The following PHF19 variants were observed in gnomAD, a reference collection of about 807,000 sequenced individuals.
PHF19 encodes the protein polycomb like 3.
A neutral mutation model predicts 79.8 loss-of-function variants in PHF19; 21 were observed. That is an observed-to-expected ratio of 0.26 (90% CI 0.19 to 0.38). The LOEUF (loss-of-function observed/expected upper bound fraction) is 0.38, where lower values mean the gene tolerates loss of function less well. PHF19 is among the 10% of genes least tolerant of loss of function. PHF19 has a pLI of 1.00. For missense variants in PHF19, 445 were observed against 744.2 expected (o/e 0.60, Z 4.68); for synonymous variants, 273 against 296.3 (o/e 0.92, Z 0.81).
intron 1 of PHF19, among the ~76,000 whole-genome samples, chr9:120,885,282 T>C (rs1416075735): frequency 3.9e-5 from 6 of 151,974 alleles, no homozygotes; most frequent in African/African-American, 1.5e-4. Flanking sequence ...GAAACGGATA[T>C]CTAGAAAGCA....
rs560838939 is a variant in PHF19, at chr9:120,891,984, G to C, written c.42+2804C>G. On this transcript the variant is annotated intron_variant, in intron 1 of 14. Coordinates refer to the PHF19 transcript ENST00000616568. This position sits in a 1 kb window ranked among gnomAD's most constrained non-coding sequence, Gnocchi z 4.3. ...GTAGGAAAGTTCAAAGCAAAGAAAGGCCTCCAGGGGACCATGCGGGGACTG... is the reference window on the plus strand; with the variant it reads ...GTAGGAAAGTTCAAAGCAAAGAAAGCCCTCCAGGGGACCATGCGGGGACTG... 3.0e-4 allele frequency among the ~76,000 whole-genome samples: 46 copies of C among 152,294 alleles called. No individual in the cohort carries two copies. The highest frequency in any genetic ancestry group is 1.0e-3 in the African/African-American group (42 of 41,548).
At position 120,858,125 on chromosome 9, in the gene PHF19, G is replaced by A. The variant is rs1443931685; in HGVS notation, c.1562C>T (p.Thr521Ile). The A allele has an allele frequency of 1.2e-6, 2 of 1,613,962 alleles. No individual in the cohort carries two copies. The highest frequency in any genetic ancestry group is 1.3e-5 in the African/African-American group (1 of 74,936). Reference sequence around the variant, plus strand: ...GTCATCTTCACTGATGCTCTCAAATGTGTGGCTGTCAATGCCTTCGTCTGG... The same window carrying A: ...GTCATCTTCACTGATGCTCTCAAATATGTGGCTGTCAATGCCTTCGTCTGG... ...ERPDEGIDSH[T>I]FESISEDDSS... Residue 521 changes from threonine (T) to isoleucine (I), a missense_variant, in exon 15 of 15, where the codon ACA becomes ATA. Around this residue, in one of 5 missense-constraint regions of PHF19, gnomAD observed 125 missense variants for 180.5 expected, o/e 0.69. Transcript: ENST00000373896.
rs1010878621 is a variant in PHF19 at position 120,894,712 on chromosome 9, G to T, written c.42+76C>A. On this transcript the variant is annotated intron_variant, in intron 1 of 14. Transcript: ENST00000616568. ...TCAATGCGTTCCATATGGCGGCGGC[G>T]CGGGCCCACCCGGCCGCCCGCGGCT... 4.9e-5 allele frequency: 31 copies of T among 638,370 alleles called. No individual in the cohort carries two copies. In the African/African-American group the frequency reaches 5.6e-4, roughly 11 times the overall value. 39.5% of individuals were successfully genotyped at this position (638,370 alleles called of 1,614,324 possible). A position where few individuals can be genotyped will look rare whatever the true frequency, so the allele number is the denominator to read the frequency against.
In PHF19 at chr9:120,869,133, T is replaced by C; in HGVS notation, c.614+49A>G. 2 of 1,559,596 alleles carry C rather than the reference T, an allele frequency of 1.3e-6. No homozygotes were observed. Among genetic ancestry groups the C allele is most frequent in the South Asian group, 1.2e-5 (1 of 85,010 alleles). ...CCTATGGGCGGTCCCTGCTGGCGAT[T>C]CTTGGAGACCTGCCCTGCCGCCCGG... On this transcript the variant is annotated intron_variant, in intron 6 of 14. Coordinates refer to ENST00000373896, the MANE Select transcript of PHF19 (RefSeq NM_015651.3). The surrounding 1 kb of genome is among the most constrained non-coding windows in gnomAD (Gnocchi z 5.8).
chr9:120,882,716 C>T (rs1231137719), intron 1 of PHF19, among the ~76,000 whole-genome samples: 2 of 151,898 alleles, frequency 1.3e-5, no homozygotes, highest in Non-Finnish European at 2.9e-5. Flanking sequence ...GTGGCGGCCA[C>T]CTGTAATCCC....
At chr9:120,895,752 A>G (rs1354796675), upstream of PHF19, among the ~76,000 whole-genome samples, 2 of 152,134 alleles carry the variant, frequency 1.3e-5, no homozygotes, top group Non-Finnish European at 2.9e-5. Flanking sequence ...TCCTGGGCTC[A>G]AGTGATTCTC....
upstream of PHF19, among the ~76,000 whole-genome samples, chr9:120,897,142 C>T (rs2046409793): frequency 6.6e-6 from 1 of 152,246 alleles, no homozygotes; most frequent in Non-Finnish European, 1.5e-5. Flanking sequence ...GGAGCTTGCT[C>T]ACAGGCTCTC....
chr9:120,890,667 G>T (rs2046330517), intron 1 of PHF19, among the ~76,000 whole-genome samples: 1 of 152,134 alleles, frequency 6.6e-6, no homozygotes, highest in South Asian at 2.1e-4. Flanking sequence ...CAAAGGGCAT[G>T]GGGGAGGGAA....
At chr9:120,882,498 A>C (rs781181367) in intron 1 of PHF19, among the ~76,000 whole-genome samples, 4 of 152,208 alleles carry the variant, frequency 2.6e-5, no homozygotes, top group Non-Finnish European at 5.9e-5. Context: ...AGAGAACATC[A>C]TTTTCTTTCA....
At chr9:120,902,167 C>G in the PHF19 span, among the ~76,000 whole-genome samples, 2 of 152,176 alleles carry the variant, frequency 1.3e-5, no homozygotes, top group Non-Finnish European at 2.9e-5. Context: ...AGCATCCTCA[C>G]CCTGTACATT....
Position 120,866,182 on chromosome 9 carries a change from C to A in PHF19, c.711-86G>T. Reference sequence around the variant, plus strand: ...CCAGCCCCTTGATCTCCTCATTCCCCACCTACCTTCCCATAATCTTCTCAC... The same window carrying A: ...CCAGCCCCTTGATCTCCTCATTCCCAACCTACCTTCCCATAATCTTCTCAC... On this transcript the variant is annotated intron_variant, in intron 7 of 14. Coordinates refer to ENST00000373896, the MANE Select transcript of PHF19 (RefSeq NM_015651.3). The surrounding 1 kb of genome is among the most constrained non-coding windows in gnomAD (Gnocchi z 5.2). 1.1e-6 allele frequency: 1 copy of A among 948,002 alleles called. No individual in the cohort carries two copies. Among genetic ancestry groups the A allele is most frequent in the Non-Finnish European group, 1.7e-6 (1 of 577,828 alleles). 58.7% of individuals were successfully genotyped at this position (948,002 alleles called of 1,614,324 possible).
chr9:120,883,715 C>G (rs1030817282), intron 1 of PHF19, among the ~76,000 whole-genome samples: 8 of 145,994 alleles, frequency 5.5e-5, no homozygotes, highest in Non-Finnish European at 1.2e-4. Flanking sequence ...GCTGAGATCA[C>G]ACCGTGCACT....
chr9:120,889,375 G>C (rs1384076346), intron 1 of PHF19, among the ~76,000 whole-genome samples: 5 of 148,232 alleles, frequency 3.4e-5, no homozygotes, highest in African/African-American at 1.2e-4. Context: ...GCAGTGAGCT[G>C]AGATCATGCC....
At chr9:120,881,028 C>T (rs1455912954), upstream of PHF19, among the ~76,000 whole-genome samples, 1 of 151,876 alleles carries the variant, frequency 6.6e-6, no homozygotes, top group Non-Finnish European at 1.5e-5. Flanking sequence ...TTTGGGGCTA[C>T]AGTCAGCTAG....
intron 1 of PHF19, among the ~76,000 whole-genome samples, chr9:120,875,584 C>T (rs2046023061): frequency 1.3e-5 from 2 of 152,204 alleles, no homozygotes; most frequent in South Asian, 2.1e-4. Context: ...GCTCTAGCTT[C>T]CATCCTCCTG....
intron 10 of PHF19, among the ~76,000 whole-genome samples, chr9:120,863,584 C>T (rs1329766691): frequency 6.6e-6 from 1 of 152,152 alleles, no homozygotes; most frequent in African/African-American, 2.4e-5. Context: ...GCGGGCACAG[C>T]CTGGTCTTAA....
chr9:120,872,984 T>C (rs955686223), intron 3 of PHF19, among the ~76,000 whole-genome samples: 2 of 152,230 alleles, frequency 1.3e-5, no homozygotes, highest in African/African-American at 4.8e-5. Flanking sequence ...GCATTTTACA[T>C]GGATTAGCTT....
chr9:120,886,548 T>G (rs2046265705), intron 1 of PHF19, among the ~76,000 whole-genome samples: 1 of 152,190 alleles, frequency 6.6e-6, no homozygotes, highest in Non-Finnish European at 1.5e-5. Context: ...ATTTATTCAC[T>G]CATCCTTCAC....
chr9:120,881,257 C>T (rs1387095992), upstream of PHF19, among the ~76,000 whole-genome samples: 17 of 151,498 alleles, frequency 1.1e-4, no homozygotes, highest in Admixed American at 1.1e-3. Flanking sequence ...ACGCCCTTCT[C>T]CTGCCTCAGC....
Sources: allele counts gnomAD v4.1 joint callset (sites outside exome capture counted in the v4.1 genomes callset), GRCh38; gene constraint gnomAD v4.1.1; regional missense constraint gnomAD v4.1.1; non-coding constraint Gnocchi (gnomAD v3.1); transcripts MANE v1.5; gene names NCBI Gene and HGNC (gene_info 2026-07-23, HGNC 2026-07-21).